Variants in ANXA11 observed in about 807,000 individuals in gnomAD.
ANXA11 encodes the protein 56 kDa autoantigen.
Under a neutral mutation model 64.7 loss-of-function variants are expected in ANXA11, and 57 were observed. The ratio of observed to expected loss-of-function variants is 0.88; its 90% CI spans 0.71 to 1.10. The LOEUF is 1.10. Ranked by LOEUF, ANXA11 falls within the 50% of genes least tolerant of loss-of-function variation. The pLI is 0.00. For synonymous variants in ANXA11, 260 were observed against 265.2 expected (o/e 0.98, Z 0.19); for missense variants, 675 against 670.7 (o/e 1.01, Z -0.07).
intron 1 of ANXA11, among the ~76,000 whole-genome samples, chr10:80,194,860 G>A (rs1046286095): frequency 2.0e-5 from 3 of 152,184 alleles, no homozygotes; most frequent in Admixed American, 6.5e-5. Context: ...GGTGACACTC[G>A]GCTAGGGCTG....
Position 80,153,184 on chromosome 10 carries a change from G to A in ANXA11, c.*2669C>T, listed in dbSNP as rs1328506010. The stretch of plus-strand genomic sequence containing the variant: ...ACCCAAAGGCCTGCAGGAGCCAAAT[G>A]GGTGACATGGGCTTAGTGTAATACA... On this transcript the variant is annotated 3_prime_UTR_variant, in exon 16 of 16. Transcript: ENST00000422982. The A allele has an allele frequency of 6.6e-6, 1 of 152,176 alleles. No homozygotes were observed. The highest frequency in any genetic ancestry group is 1.5e-5 in the Non-Finnish European group (1 of 68,044). The allele number at this position is 152,176 out of a possible 1,614,324, so 9.4% of individuals were successfully genotyped here. A position where few individuals can be genotyped will look rare whatever the true frequency, so the allele number is the denominator to read the frequency against.
intron 1 of ANXA11, among the ~76,000 whole-genome samples, chr10:80,192,167 A>G (rs1416423045): frequency 2.0e-5 from 3 of 152,250 alleles, no homozygotes; most frequent in African/African-American, 7.2e-5. Flanking sequence ...AACAGCAGGT[A>G]CAGTGGGAAG....
chr10:80,196,678 A>AAGCC (rs1175469042), intron 1 of ANXA11, among the ~76,000 whole-genome samples: 1 of 152,182 alleles, frequency 6.6e-6, no homozygotes, highest in Admixed American at 6.5e-5. Context: ...TAAGTCACCG[A>AAGCC]AGCCAGCCAG....
At chr10:80,163,465 C>A in intron 10 of ANXA11, 60 bp from the exon 11 acceptor site, 1 of 1,611,596 alleles carries the variant, frequency 6.2e-7, no homozygotes. Context: ...TCCCTTTCCT[C>A]ATTGCGGGGA....
At chr10:80,182,229 G>A (rs1024374007) in intron 1 of ANXA11, among the ~76,000 whole-genome samples, 8 of 151,464 alleles carry the variant, frequency 5.3e-5, no homozygotes, top group Admixed American at 1.3e-4. Context: ...GTGGGGGCAG[G>A]GGGACAGGGA....
At chr10:80,204,890 T>G (rs1840602298) in intron 1 of ANXA11, 1 of 152,266 alleles carries the variant, frequency 6.6e-6, no homozygotes, top group African/African-American at 2.4e-5. Flanking sequence ...GGAAAGTTCC[T>G]GAAGATAGCC....
chr10:80,169,428 T>C, intron 4 of ANXA11, 70 bp from the exon 5 acceptor site: 2 of 1,560,016 alleles, frequency 1.3e-6, no homozygotes, highest in Non-Finnish European at 1.7e-6. Flanking sequence ...CCCTTTTTCA[T>C]ACCTAAGCCA....
chr10:80,179,057 C>A (rs1242763902), intron 1 of ANXA11, among the ~76,000 whole-genome samples: 1 of 152,180 alleles, frequency 6.6e-6, no homozygotes, highest in Admixed American at 6.5e-5. Flanking sequence ...AATTACAATA[C>A]AATCGAATTG....
chr10:80,191,106 T>C (rs1846756205), intron 1 of ANXA11, among the ~76,000 whole-genome samples: 1 of 151,900 alleles, frequency 6.6e-6, no homozygotes, highest in Admixed American at 6.6e-5. Context: ...GCACCTGCAA[T>C]CCCAGCTACT....
At chr10:80,198,696 G>A (rs1461142639) in intron 1 of ANXA11, among the ~76,000 whole-genome samples, 1 of 152,050 alleles carries the variant, frequency 6.6e-6, no homozygotes, top group Non-Finnish European at 1.5e-5. Flanking sequence ...ACAATCTCAT[G>A]GAACACACAC....
At chr10:80,199,517 A>C (rs1019986412) in intron 1 of ANXA11, among the ~76,000 whole-genome samples, 3 of 151,824 alleles carry the variant, frequency 2.0e-5, no homozygotes, top group African/African-American at 7.3e-5. Context: ...GGCTGGGCAC[A>C]GTGGTTGGCT....
chr10:80,188,349 C>G (rs1195241200), intron 1 of ANXA11, among the ~76,000 whole-genome samples: 1 of 151,962 alleles, frequency 6.6e-6, no homozygotes, highest in Non-Finnish European at 1.5e-5. Context: ...TGATTCCATT[C>G]TAGCTCTACC....
chr10:80,163,217 C>G, intron 11 of ANXA11, 132 bp downstream of exon 11: 1 of 1,008,576 alleles, frequency 9.9e-7, no homozygotes, highest in Non-Finnish European at 1.5e-6. Context: ...TTCAGCGCGT[C>G]TGAAACTCAC....
intron 1 of ANXA11, among the ~76,000 whole-genome samples, chr10:80,188,452 A>T (rs1846630079): frequency 6.8e-6 from 1 of 146,036 alleles, no homozygotes; most frequent in Non-Finnish European, 1.5e-5. Flanking sequence ...CCATCTCATT[A>T]CACAGCTGTG....
At chr10:80,180,695 C>A (rs1452049352) in intron 1 of ANXA11, among the ~76,000 whole-genome samples, 1 of 151,610 alleles carries the variant, frequency 6.6e-6, no homozygotes, top group South Asian at 2.1e-4. Context: ...CACACACACA[C>A]ACAATTTATT....
chr10:80,184,616 T>C (rs1029601302), intron 1 of ANXA11, among the ~76,000 whole-genome samples: 1 of 152,168 alleles, frequency 6.6e-6, no homozygotes, highest in Non-Finnish European at 1.5e-5. Flanking sequence ...TTTATATAAC[T>C]ATAATACAGC....
intron 2 of ANXA11, among the ~76,000 whole-genome samples, chr10:80,175,542 C>T (rs1846139213): frequency 6.6e-6 from 1 of 150,630 alleles, no homozygotes; most frequent in South Asian, 2.1e-4. Context: ...GAAGTAGCCC[C>T]AAAAACCAAC....
At chr10:80,174,013 G>A (rs1846076034) in intron 2 of ANXA11, among the ~76,000 whole-genome samples, 1 of 152,180 alleles carries the variant, frequency 6.6e-6, no homozygotes, top group Non-Finnish European at 1.5e-5. Context: ...CCAACTATAA[G>A]AGTCTAGCTG....
intron 8 of ANXA11, among the ~76,000 whole-genome samples, chr10:80,164,667 G>A (rs1054344255): frequency 2.6e-5 from 4 of 152,212 alleles, no homozygotes; most frequent in Non-Finnish European, 5.9e-5. Context: ...TAGAGGACAG[G>A]CTGGGCAGCC....
Sources: allele counts gnomAD v4.1 joint callset (sites outside exome capture counted in the v4.1 genomes callset), GRCh38; gene constraint gnomAD v4.1.1; transcripts MANE v1.5; gene names NCBI Gene and HGNC (gene_info 2026-07-23, HGNC 2026-07-21).